The following ARID4B variants were observed in gnomAD, a reference collection of about 807,000 sequenced individuals.
The protein encoded by ARID4B is AT-rich interactive domain-containing protein 4B.
In ARID4B, 26 loss-of-function variants were observed where a neutral mutation model predicts 147.5. That is an observed-to-expected ratio of 0.18 (90% CI 0.13 to 0.24). ARID4B has a LOEUF of 0.24. Ranked by LOEUF, ARID4B falls within the 10% of genes least tolerant of loss-of-function variation. The pLI, the probability that ARID4B is intolerant of heterozygous loss-of-function variation, is 1.00. For missense variants in ARID4B, 1,179 were observed against 1,511.5 expected, an observed-to-expected ratio of 0.78 and a Z score of 3.65; for synonymous variants, 512 against 507.9, an observed-to-expected ratio of 1.01 and a Z score of -0.11.
At chr1:235,250,053 G>C (rs1466001305) in intron 6 of ARID4B, among the ~76,000 whole-genome samples, 1 of 151,930 alleles carries the variant, frequency 6.6e-6, no homozygotes, top group African/African-American at 2.4e-5. Context: ...CTTGCAGTGA[G>C]CCGAGATCGC....
At chr1:235,177,046 T>C (rs924207423) in intron 21 of ARID4B, 34 of 426,010 alleles carry the variant, frequency 8.0e-5, no homozygotes, top group Non-Finnish European at 1.4e-4. Flanking sequence ...GGAGCATACT[T>C]AGCAAAAAGT....
intron 2 of ARID4B, among the ~76,000 whole-genome samples, chr1:235,286,685 A>G (rs1671996355): frequency 6.6e-6 from 1 of 152,244 alleles, no homozygotes; most frequent in Non-Finnish European, 1.5e-5. Flanking sequence ...GACCATAGCC[A>G]GAGTTCTGGA....
chr1:235,301,575 C>T (rs1469722590), intron 2 of ARID4B, among the ~76,000 whole-genome samples: 2 of 146,868 alleles, frequency 1.4e-5, no homozygotes, highest in Non-Finnish European at 3.0e-5. Flanking sequence ...GACAGGGTGG[C>T]CTTGCCCTGG....
At chr1:235,309,164 G>C (rs1256161850) in intron 2 of ARID4B, among the ~76,000 whole-genome samples, 1 of 147,312 alleles carries the variant, frequency 6.8e-6, no homozygotes, top group African/African-American at 2.5e-5. Flanking sequence ...CTGCCCGGCC[G>C]TGACCCCGTC....
At chr1:235,212,624 A>G (rs899592426) in intron 17 of ARID4B, among the ~76,000 whole-genome samples, 2 of 152,224 alleles carry the variant, frequency 1.3e-5, no homozygotes, top group African/African-American at 4.8e-5. Flanking sequence ...TTTGTATAGT[A>G]TAATTTATTT....
intron 2 of ARID4B, among the ~76,000 whole-genome samples, chr1:235,271,945 T>C (rs1358165755): frequency 1.4e-5 from 2 of 145,300 alleles, no homozygotes; most frequent in African/African-American, 5.0e-5. Context: ...CGAGACTCCA[T>C]CTCAAAAAGT....
chr1:235,191,012 A>AT (rs1665061754), intron 19 of ARID4B, among the ~76,000 whole-genome samples: 1 of 152,132 alleles, frequency 6.6e-6, no homozygotes, highest in South Asian at 2.1e-4. Flanking sequence ...TAAAATCTGT[A>AT]TTTATCTTGT....
intron 7 of ARID4B, 69 bp from the exon 8 acceptor site, chr1:235,240,520 T>C (rs748931242): frequency 2.0e-5 from 28 of 1,409,614 alleles, no homozygotes; most frequent in East Asian, 7.0e-5. Context: ...ATGATGAATA[T>C]AGGTATTCCC....
intron 2 of ARID4B, among the ~76,000 whole-genome samples, chr1:235,266,768 TAGAA>T (rs1337531955): frequency 6.6e-6 from 1 of 150,536 alleles, no homozygotes; most frequent in African/African-American, 2.4e-5. Context: ...AATTAAGTTT[TAGAA>T]AGACAATAGT....
At chr1:235,313,118 A>C (rs542445635) in intron 2 of ARID4B, among the ~76,000 whole-genome samples, 94 of 152,254 alleles carry the variant, frequency 6.2e-4, no homozygotes, top group African/African-American at 2.2e-3. Flanking sequence ...ATCTCAGCTT[A>C]CTGCAATTTC....
intron 14 of ARID4B, 95 bp downstream of exon 14, chr1:235,221,470 T>C: frequency 1.5e-6 from 1 of 664,022 alleles, no homozygotes; most frequent in African/African-American, 1.8e-5. Flanking sequence ...TTCTGATTTC[T>C]TTAAAGAAAT....
At chr1:235,325,072 AGTT>A (rs2103318828) in intron 2 of ARID4B, among the ~76,000 whole-genome samples, 1 of 152,338 alleles carries the variant, frequency 6.6e-6, no homozygotes, top group East Asian at 1.9e-4. Context: ...TAAGAAATAA[AGTT>A]GTAAGAAATA....
intron 17 of ARID4B, among the ~76,000 whole-genome samples, chr1:235,204,575 C>T (rs548137563): frequency 2.6e-4 from 40 of 152,122 alleles, no homozygotes; most frequent in African/African-American, 3.9e-4. Context: ...TAAAATGAAA[C>T]GGAAGTATAG....
At chr1:235,221,824 G>C (rs1425123509) in intron 13 of ARID4B, among the ~76,000 whole-genome samples, 162 bp from the exon 14 acceptor site, 1 of 143,706 alleles carries the variant, frequency 7.0e-6, no homozygotes, top group African/African-American at 2.6e-5. Context: ...TAAAAATAAA[G>C]GTTTTAGTAC....
At chr1:235,251,161 G>C (rs1300171931) in intron 6 of ARID4B, among the ~76,000 whole-genome samples, 2 of 151,326 alleles carry the variant, frequency 1.3e-5, no homozygotes. Context: ...ATCAAGTGAG[G>C]AAAGAAAGGA....
chr1:235,176,643 A>T (rs1228219626), intron 21 of ARID4B: 1 of 266,522 alleles, frequency 3.8e-6, no homozygotes, highest in Non-Finnish European at 7.9e-6. Context: ...CTCCTAGCTA[A>T]GCCACCCAAG....
At position 235,224,786 on chromosome 1, in the gene ARID4B, T is replaced by A; in HGVS notation, c.898-11A>T. ...TGGTTCTATTTCTTCCTAATTTTAA[T>A]CACAGAAGAATATTATTTTCTTCAA... On this transcript the variant is annotated splice_polypyrimidine_tract_variant and intron_variant, in intron 11 of 23. Coordinates refer to ENST00000264183, the MANE Select transcript of ARID4B (RefSeq NM_016374.6). 4 of 1,541,372 alleles carry A rather than the reference T, an allele frequency of 2.6e-6. No homozygotes were observed. The highest frequency in any genetic ancestry group is 3.6e-6 in the Non-Finnish European group (4 of 1,121,996).
intron 18 of ARID4B, 22 bp downstream of exon 18, chr1:235,196,009 T>A: frequency 1.4e-6 from 2 of 1,441,828 alleles, no homozygotes; most frequent in Non-Finnish European, 1.9e-6. Flanking sequence ...GCTAATAGTG[T>A]GTAGTAAAAA....
At chr1:235,284,901 T>C (rs1202821749) in intron 2 of ARID4B, among the ~76,000 whole-genome samples, 1 of 133,120 alleles carries the variant, frequency 7.5e-6, no homozygotes, top group East Asian at 2.1e-4. Context: ...ATGCAAACAA[T>C]ATATATATAT....
Sources: gnomAD v4.1 joint callset for allele counts (sites outside exome capture counted in the v4.1 genomes callset) on GRCh38, gnomAD v4.1.1 for gene constraint, MANE v1.5 for transcripts, NCBI Gene and HGNC (gene_info 2026-07-23, HGNC 2026-07-21) for gene names.